The following GAPVD1 variants were observed in gnomAD, a reference collection of about 807,000 sequenced individuals.
GAPVD1 encodes GTPase activating protein and VPS9 domains 1.
A neutral mutation model predicts 155.5 loss-of-function variants in GAPVD1; 35 were observed. The observed-to-expected ratio is 0.23, with a 90% CI of 0.17 to 0.30. GAPVD1 has a LOEUF of 0.30. Ranked by LOEUF, GAPVD1 falls within the 10% of genes least tolerant of loss-of-function variation. The probability of loss-of-function intolerance (pLI) is 1.00; values close to 1 mark genes in which losing one functional copy is unlikely to be tolerated. For missense variants in GAPVD1, 1,429 were observed against 1,775.7 expected (o/e 0.80, Z 3.51); for synonymous variants, 636 against 619.7 (o/e 1.03, Z -0.39).
chr9:125,303,410 C>G (rs1212147111), intron 5 of GAPVD1, among the ~76,000 whole-genome samples: 1 of 151,442 alleles, frequency 6.6e-6, no homozygotes, highest in African/African-American at 2.4e-5. Flanking sequence ...GTGGGTAGAT[C>G]GTTTGACATC....
chr9:125,345,123 T>G (rs1008892339), intron 19 of GAPVD1, among the ~76,000 whole-genome samples: 1 of 151,854 alleles, frequency 6.6e-6, no homozygotes, highest in Non-Finnish European at 1.5e-5. Flanking sequence ...CTTCCCTATA[T>G]GCTTGTTTCA....
chr9:125,296,056 G>A (rs1310763153), intron 3 of GAPVD1, among the ~76,000 whole-genome samples: 2 of 152,026 alleles, frequency 1.3e-5, no homozygotes, highest in African/African-American at 4.8e-5. Context: ...ATAGCACAGC[G>A]ATCATTATAT....
intron 5 of GAPVD1, among the ~76,000 whole-genome samples, chr9:125,303,131 TCTC>T (rs1469039583): frequency 2.0e-5 from 3 of 151,986 alleles, no homozygotes; most frequent in Admixed American, 6.5e-5. Context: ...TTCAAGCAAT[TCTC>T]CTGCTTCAGC....
chr9:125,334,270 TAA>T (rs780577226), intron 15 of GAPVD1, among the ~76,000 whole-genome samples: 136 of 104,392 alleles, frequency 1.3e-3, no homozygotes, highest in African/African-American at 2.3e-3. Context: ...CACTCACAGT[TAA>T]AAAAAAAAAA....
At chr9:125,305,916 G>C (rs764765937) in intron 6 of GAPVD1, among the ~76,000 whole-genome samples, 1 of 152,042 alleles carries the variant, frequency 6.6e-6, no homozygotes, top group Non-Finnish European at 1.5e-5. Context: ...GCATTCCAGC[G>C]TGCTAGGATT....
rs1396490292 is a variant in GAPVD1 at position 125,323,851 on chromosome 9, G to A, written c.1786G>A (p.Val596Met). Residue 596 changes from valine to methionine, a missense_variant, in exon 11 of 28, where the codon GTG (valine) becomes ATG (methionine). Coordinates refer to ENST00000297933, the MANE Select transcript of GAPVD1 (RefSeq NM_001282680.3). ...VSSLDLEGES[V>M]SELGAGPSGS... ...CTCCCTAGACCTAGAAGGAGAGTCT[G>A]TGTCAGAACTTGGAGCAGGACCTTC... 5 of 1,612,880 alleles carry A rather than the reference G, an allele frequency of 3.1e-6. No homozygotes were observed. The highest frequency in any genetic ancestry group is 1.7e-5 in the Admixed American group (1 of 60,016).
chr9:125,264,435 T>A (rs1157342069), intron 1 of GAPVD1, among the ~76,000 whole-genome samples: 3 of 152,250 alleles, frequency 2.0e-5, no homozygotes, highest in Non-Finnish European at 4.4e-5. Flanking sequence ...CCTCAGGTGA[T>A]CTGCCTGCCT....
At chr9:125,272,951 G>C (rs1835157741) in intron 2 of GAPVD1, among the ~76,000 whole-genome samples, 1 of 152,130 alleles carries the variant, frequency 6.6e-6, no homozygotes, top group African/African-American at 2.4e-5. Context: ...CGGTTGTTTT[G>C]TGTACCCGCT....
Position 125,298,991 on chromosome 9 carries a change from A to G in GAPVD1, c.70A>G (p.Lys24Glu). ...KQERLYVNSEKQLIQRLNADV... is the reference protein window; with the variant it reads ...KQERLYVNSEEQLIQRLNADV... ...GGAACGCTTATATGTAAACTCTGAG[A>G]AACAGCTCATTCAGAGGCTCAATGC... The change falls in exon 4 of 28, where the codon AAA becomes GAA. Residue 24 changes from lysine to glutamate, a missense_variant. This residue lies in a region of GAPVD1 where 628 missense variants were observed against 733.4 expected (regional missense o/e 0.86). Coordinates refer to ENST00000297933, the MANE Select transcript of GAPVD1 (RefSeq NM_001282680.3). 6.2e-7 allele frequency: 1 copy of G among 1,610,862 alleles called. No individual in the cohort carries two copies. Among genetic ancestry groups the G allele is most frequent in the South Asian group, 1.1e-5 (1 of 91,006 alleles).
intron 9 of GAPVD1, among the ~76,000 whole-genome samples, chr9:125,313,338 C>G (rs1368912690): frequency 7.0e-6 from 1 of 143,122 alleles, no homozygotes; most frequent in Admixed American, 7.1e-5. Flanking sequence ...GAGTCTCACT[C>G]TGTCACCTAG....
intron 12 of GAPVD1, among the ~76,000 whole-genome samples, chr9:125,329,351 G>C (rs1845741570): frequency 1.3e-5 from 2 of 152,112 alleles, no homozygotes; most frequent in Non-Finnish European, 2.9e-5. Context: ...AACATTCTGT[G>C]GTTAAACTCT....
intron 6 of GAPVD1, among the ~76,000 whole-genome samples, 175 bp downstream of exon 6, chr9:125,305,324 C>T (rs117176220): frequency 0.023 from 3,521 of 151,588 alleles, 61 homozygotes; most frequent in Middle Eastern, 0.045. Flanking sequence ...GAGGAGATGC[C>T]GTCGTAAGAG....
In GAPVD1 at chr9:125,349,418, T is replaced by C; in HGVS notation, c.3198T>C (p.His1066=). The part of the protein sequence containing the change: ...TEVMGDGESA[H]DSPRDEALQN... The stretch of plus-strand genomic sequence containing the variant: ...TTATGGGTGATGGTGAAAGTGCACA[T>C]GATTCTCCCCGTGACGAAGCACTGC... The change falls in exon 21 of 28, where the codon CAT becomes CAC. Residue 1066 remains histidine, a synonymous_variant. Transcript: ENST00000297933. 2 of 1,613,990 alleles carry C rather than the reference T, an allele frequency of 1.2e-6. No homozygotes were observed. The highest frequency in any genetic ancestry group is 1.7e-6 in the Non-Finnish European group (2 of 1,179,862).
Position 125,355,746 on chromosome 9 carries a change from C to T in GAPVD1, c.3860C>T (p.Ala1287Val), listed in dbSNP as rs1250536058. The change falls in exon 25 of 28, where the codon GCG becomes GTG. Residue 1287 changes from alanine (A) to valine (V), a missense_variant. Ala to Val is a moderately conservative substitution (Grantham distance 64). This residue lies in a region of GAPVD1 where 699 missense variants were observed against 826.0 expected (regional missense o/e 0.85). Coordinates refer to ENST00000297933, the MANE Select transcript of GAPVD1 (RefSeq NM_001282680.3). ...AMAQDVIWQN[A>V]SEEQLQDAQL... ...GCCCAGGATGTCATATGGCAAAACGCGAGTGAAGAACAGCTTCAAGATGCA... is the reference window on the plus strand; with the variant it reads ...GCCCAGGATGTCATATGGCAAAACGTGAGTGAAGAACAGCTTCAAGATGCA... 1.2e-6 allele frequency: 2 copies of T among 1,612,592 alleles called. No homozygotes were observed. Among genetic ancestry groups the T allele is most frequent in the Admixed American group, 1.7e-5 (1 of 59,982 alleles).
chr9:125,290,475 A>T (rs908648465), intron 2 of GAPVD1, among the ~76,000 whole-genome samples: 12 of 152,154 alleles, frequency 7.9e-5, no homozygotes, highest in African/African-American at 2.7e-4. Flanking sequence ...TAGATAAGTC[A>T]ATGTAAGTAT....
At chr9:125,272,458 G>A (rs1835074898) in intron 2 of GAPVD1, among the ~76,000 whole-genome samples, 1 of 152,074 alleles carries the variant, frequency 6.6e-6, no homozygotes, top group Non-Finnish European at 1.5e-5. Context: ...AGGCCAACTT[G>A]GATTCTGACA....
chr9:125,282,838 T>C (rs774924037), intron 2 of GAPVD1, among the ~76,000 whole-genome samples: 5 of 152,116 alleles, frequency 3.3e-5, no homozygotes, highest in Non-Finnish European at 5.9e-5. Context: ...ATTCATCAGA[T>C]CTTCTGATTC....
At chr9:125,265,459 G>A (rs927469095) in intron 1 of GAPVD1, among the ~76,000 whole-genome samples, 3 of 151,722 alleles carry the variant, frequency 2.0e-5, no homozygotes, top group African/African-American at 7.2e-5. Context: ...CTCCCAGGCT[G>A]GAGTGCAGTG....
At chr9:125,305,661 G>C (rs766344991) in intron 6 of GAPVD1, among the ~76,000 whole-genome samples, 1 of 151,926 alleles carries the variant, frequency 6.6e-6, no homozygotes, top group Non-Finnish European at 1.5e-5. Flanking sequence ...GAGCCACCGC[G>C]CCTGGCCAAC....
Sources: allele counts gnomAD v4.1 joint callset (sites outside exome capture counted in the v4.1 genomes callset), GRCh38; gene constraint gnomAD v4.1.1; regional missense constraint gnomAD v4.1.1; transcripts MANE v1.5; gene names NCBI Gene and HGNC (gene_info 2026-07-23, HGNC 2026-07-21).